HSPH1: variants seen among roughly 807,000 people sequenced by gnomAD.
HSPH1 encodes heat shock protein family H (Hsp110) member 1.
Under a neutral mutation model 100.0 loss-of-function variants are expected in HSPH1, and 40 were observed. The ratio of observed to expected loss-of-function variants is 0.40; its 90% confidence interval spans 0.31 to 0.52. The LOEUF is 0.52. Ranked by LOEUF, HSPH1 falls within the 20% of genes least tolerant of loss-of-function variation. The pLI is 0.54. For missense variants in HSPH1, 876 were observed against 1,015.1 expected, an observed-to-expected ratio of 0.86 and a Z score of 1.86; for synonymous variants, 403 against 344.0, an observed-to-expected ratio of 1.17 and a Z score of -1.90.
intron 3 of HSPH1, 61 bp from the exon 4 acceptor site, chr13:31,154,816 T>C (rs920552895): frequency 1.4e-6 from 2 of 1,452,646 alleles, no homozygotes; most frequent in African/African-American, 2.8e-5. Context: ...TGCCAATATT[T>C]AACTTCCAAA....
intron 12 of HSPH1, among the ~76,000 whole-genome samples, chr13:31,142,795 G>A (rs980956577): frequency 2.0e-5 from 3 of 152,008 alleles, no homozygotes; most frequent in African/African-American, 4.8e-5. Context: ...TAAGACTATC[G>A]GCAAGAGTTG....
rs1251782173 is a variant in HSPH1 at position 31,161,520 on chromosome 13, C to T, written c.63G>A (p.Gly21=). ...QSCYIAVARA[G]GIETIANEFS... is the part of the protein sequence containing the mutation. ...ACTCATTGGCGATGGTCTCGATGCC[C>T]CCGGCCCGGGCTACCGCGATGTAGC... The change falls in exon 1 of 18, where the codon GGG becomes GGA. Residue 21 remains glycine (G), a synonymous_variant. Coordinates refer to ENST00000320027, the MANE Select transcript of HSPH1 (RefSeq NM_006644.4). 1.2e-6 allele frequency: 2 copies of T among 1,614,066 alleles called. No individual in the cohort carries two copies. Among genetic ancestry groups the T allele is most frequent in the Non-Finnish European group, 1.7e-6 (2 of 1,179,968 alleles).
rs1955997955 is a variant in HSPH1, at chr13:31,139,198, T to C, written c.1981-91A>G. On this transcript the variant is annotated intron_variant, in intron 14 of 17. Transcript: ENST00000320027. ...AGGTATTCTCACACTAGGTAGCTAA[T>C]CTTATCTAGGAAGGCACTCTGATTT... 3.7e-6 allele frequency: 3 copies of C among 812,838 alleles called. No homozygotes were observed. The South Asian group carries it at 4.4e-5, about 12-fold the overall frequency. 50.4% of individuals were successfully genotyped at this position (812,838 alleles called of 1,614,324 possible).
At position 31,150,064 on chromosome 13, in the gene HSPH1, C is replaced by T; in HGVS notation, c.1027G>A (p.Gly343Ser). The change falls in exon 8 of 18, where the codon GGC becomes AGC. Residue 343 changes from glycine (G) to serine (S), a missense_variant. Transcript: ENST00000320027. Reference protein sequence around the residue: ...EDVSAVEIVGGATRIPAVKER... With the variant: ...EDVSAVEIVGSATRIPAVKER... ...TTCACAGCTGGAATTCGTGTAGCGC[C>T]TCCAACAATCTCAACTGCACTCACA... 1 of 1,613,806 alleles carries T rather than the reference C, an allele frequency of 6.2e-7. No homozygotes were observed. Among genetic ancestry groups the T allele is most frequent in the Non-Finnish European group, 8.5e-7 (1 of 1,179,786 alleles).
chr13:31,139,438 C>A (rs1319373401), intron 14 of HSPH1, among the ~76,000 whole-genome samples: 1 of 152,006 alleles, frequency 6.6e-6, no homozygotes, highest in African/African-American at 2.4e-5. Flanking sequence ...AATCACTGAA[C>A]ACATGAAAAA....
chr13:31,147,524 A>AC (rs1956308437), intron 10 of HSPH1, among the ~76,000 whole-genome samples: 1 of 152,124 alleles, frequency 6.6e-6, no homozygotes, highest in African/African-American at 2.4e-5. Flanking sequence ...AAAAGATAAC[A>AC]CAAAGGTACA....
rs1450483005 is a variant in HSPH1 at position 31,150,026 on chromosome 13, G to C, written c.1065C>G (p.Ala355=). The C allele has an allele frequency of 6.2e-7, 1 of 1,613,686 alleles. No individual in the cohort carries two copies. The highest frequency in any genetic ancestry group is 8.5e-7 in the Non-Finnish European group (1 of 1,179,824). ...TGCTAATATCTTTTCCAAAGAATTT[G>C]GCAATTCTTTCCTTCACAGCTGGAA... ...TRIPAVKERI[A]KFFGKDISTT... The change falls in exon 8 of 18, where the codon GCC becomes GCG. Residue 355 remains alanine, a synonymous_variant. Transcript: ENST00000320027.
Position 31,143,879 on chromosome 13 carries a change from C to G in HSPH1, c.1629G>C (p.Gln543His). ...AGGTTTGTTGAGCATCAGTTTGTAC[C>G]TGGGGCTGTGTTCCAGCTTCACTGT... is the stretch of plus-strand genomic sequence containing the variant. Reference protein sequence around the residue: ...QDNSEAGTQPQVQTDAQQTSQ... With the variant: ...QDNSEAGTQPHVQTDAQQTSQ... The change falls in exon 12 of 18, where the codon CAG becomes CAC. Residue 543 changes from glutamine (Q) to histidine (H), a missense_variant. Physicochemically the swap from Gln to His is conservative, Grantham distance 24. Coordinates refer to ENST00000320027, the MANE Select transcript of HSPH1 (RefSeq NM_006644.4). The G allele has an allele frequency of 6.2e-7, 1 of 1,610,624 alleles. No individual in the cohort carries two copies. The highest frequency in any genetic ancestry group is 8.5e-7 in the Non-Finnish European group (1 of 1,178,190).
chr13:31,141,829 C>CAT (rs1956107526), intron 12 of HSPH1, among the ~76,000 whole-genome samples: 2 of 151,320 alleles, frequency 1.3e-5, no homozygotes, highest in South Asian at 2.1e-4. Context: ...CACACACACA[C>CAT]ATTATTACTA....
rs771100528 is a variant in HSPH1, at chr13:31,161,711, T to C, written c.-129A>G. 3 of 1,536,894 alleles carry C rather than the reference T, an allele frequency of 2.0e-6. No individual in the cohort carries two copies. In the South Asian group the frequency reaches 3.6e-5, roughly 18 times the overall value. Reference sequence around the variant, plus strand: ...GGCCCGCGGGGTCTGGCCGTTCCTCTGACACTCAGAAGGACACACAGACAG... The same window carrying C: ...GGCCCGCGGGGTCTGGCCGTTCCTCCGACACTCAGAAGGACACACAGACAG... On this transcript the variant is annotated 5_prime_UTR_variant, in exon 1 of 18. Transcript: ENST00000320027.
Position 31,148,367 on chromosome 13 carries a change from T to G in HSPH1, c.1244+7A>C, listed in dbSNP as rs1179249306. Reference sequence around the variant, plus strand: ...ATAGTATCTGAATGTTATTTTCTGCTACATACCCTTCAGTATCTTCTGAAT... The same window carrying G: ...ATAGTATCTGAATGTTATTTTCTGCGACATACCCTTCAGTATCTTCTGAAT... On this transcript the variant is annotated splice_region_variant and intron_variant, in intron 9 of 17. Transcript: ENST00000320027. 1 of 1,456,386 alleles carries G rather than the reference T, an allele frequency of 6.9e-7. No homozygotes were observed. Among genetic ancestry groups the G allele is most frequent in the South Asian group, 1.2e-5 (1 of 84,782 alleles). 90.2% of individuals were successfully genotyped at this position (1,456,386 alleles called of 1,614,324 possible). A position where few individuals can be genotyped will look rare whatever the true frequency, so the allele number is the denominator to read the frequency against.
In HSPH1 at chr13:31,161,695, G is replaced by A. The variant is rs983317782; in HGVS notation, c.-113C>T. 2.6e-6 allele frequency: 4 copies of A among 1,541,972 alleles called. No homozygotes were observed. Among genetic ancestry groups the A allele is most frequent in the Admixed American group, 1.9e-5 (1 of 51,476 alleles). On this transcript the variant is annotated 5_prime_UTR_variant, in exon 1 of 18. Coordinates refer to ENST00000320027, the MANE Select transcript of HSPH1 (RefSeq NM_006644.4). ...GGCCGCGTTCTGCTCCGGCCCGCGG[G>A]GTCTGGCCGTTCCTCTGACACTCAG...
chr13:31,150,803 TAAAC>T (rs1360921199), intron 7 of HSPH1, 140 bp downstream of exon 7: 5 of 780,612 alleles, frequency 6.4e-6, no homozygotes, highest in Admixed American at 3.0e-5. Flanking sequence ...CTAGTGGTGA[TAAAC>T]AACAGCATCT....
chr13:31,149,831 G>A lies in HSPH1; in HGVS notation c.1137+123C>T, dbSNP rs1231202678. 5.5e-6 allele frequency: 4 copies of A among 732,306 alleles called. No homozygotes were observed. In the African/African-American group the frequency reaches 7.0e-5, roughly 13 times the overall value. 45.4% of individuals were successfully genotyped at this position (732,306 alleles called of 1,614,324 possible). ...GCCTTATCTCCCTACAGCTTTACGGGTTTGTTTAAAATGTCCTTCTGCTAC... is the reference window on the plus strand; with the variant it reads ...GCCTTATCTCCCTACAGCTTTACGGATTTGTTTAAAATGTCCTTCTGCTAC... On this transcript the variant is annotated intron_variant, in intron 8 of 17. Coordinates refer to ENST00000320027, the MANE Select transcript of HSPH1 (RefSeq NM_006644.4).
intron 2 of HSPH1, among the ~76,000 whole-genome samples, chr13:31,156,135 A>T (rs949874894): frequency 6.6e-6 from 1 of 152,248 alleles, no homozygotes; most frequent in Non-Finnish European, 1.5e-5. Context: ...TCACGCCTGT[A>T]ATCCCAGCAC....
chr13:31,161,780 G>A lies in HSPH1; in HGVS notation c.-198C>T, dbSNP rs1158030681. On this transcript the variant is annotated 5_prime_UTR_variant, in exon 1 of 18. Coordinates refer to ENST00000320027, the MANE Select transcript of HSPH1 (RefSeq NM_006644.4). ...CTCCTACTCCCCCGGGGACAGCGGCGGCTGGCTGATAAGAAACCCTGGGAG... is the reference window on the plus strand; with the variant it reads ...CTCCTACTCCCCCGGGGACAGCGGCAGCTGGCTGATAAGAAACCCTGGGAG... 15 of 1,500,324 alleles carry A rather than the reference G, an allele frequency of 1.0e-5. No homozygotes were observed. Among genetic ancestry groups the A allele is most frequent in the East Asian group, 2.5e-5 (1 of 40,282 alleles). The allele number at this position is 1,500,324 out of a possible 1,614,324, so 92.9% of individuals were successfully genotyped here.
intron 10 of HSPH1, among the ~76,000 whole-genome samples, chr13:31,146,746 T>G (rs1956277460): frequency 6.6e-6 from 1 of 152,176 alleles, no homozygotes; most frequent in African/African-American, 2.4e-5. Flanking sequence ...TCTATACCTC[T>G]GAGGATTAAG....
chr13:31,155,282 A>C (rs1444856521), intron 3 of HSPH1, among the ~76,000 whole-genome samples: 1 of 152,228 alleles, frequency 6.6e-6, no homozygotes, highest in Non-Finnish European at 1.5e-5. Flanking sequence ...AAATTTTACA[A>C]TTGCCAAAAA....
Position 31,161,774 on chromosome 13 carries a change from A to G in HSPH1, c.-192T>C. 1.3e-6 allele frequency: 2 copies of G among 1,504,640 alleles called. No individual in the cohort carries two copies. Among genetic ancestry groups the G allele is most frequent in the Non-Finnish European group, 8.9e-7 (1 of 1,128,090 alleles). The allele number at this position is 1,504,640 out of a possible 1,614,324, so 93.2% of individuals were successfully genotyped here. A position where few individuals can be genotyped will look rare whatever the true frequency, so the allele number is the denominator to read the frequency against. ...AGGAGCCTCCTACTCCCCCGGGGAC[A>G]GCGGCGGCTGGCTGATAAGAAACCC... is the stretch of plus-strand genomic sequence containing the variant. On this transcript the variant is annotated 5_prime_UTR_variant, in exon 1 of 18. Coordinates refer to ENST00000320027, the MANE Select transcript of HSPH1 (RefSeq NM_006644.4).
Sources: gnomAD v4.1 joint callset for allele counts (sites outside exome capture counted in the v4.1 genomes callset) on GRCh38, gnomAD v4.1.1 for gene constraint, MANE v1.5 for transcripts, NCBI Gene and HGNC (gene_info 2026-07-23, HGNC 2026-07-21) for gene names.